Variants in NTN1 observed in about 807,000 individuals in gnomAD.
NTN1 encodes the protein netrin 1.
NTN1 carries 11 observed loss-of-function variants against 54.2 expected under a neutral mutation model. That is an observed-to-expected ratio of 0.20 (90% CI 0.13 to 0.34). The LOEUF (loss-of-function observed/expected upper bound fraction) is 0.34, where lower values mean the gene tolerates loss of function less well. Among genes scored for constraint, NTN1 ranks in the 10% least tolerant of loss-of-function variants. NTN1 has a pLI of 1.00. For missense variants in NTN1, 740 were observed against 893.1 expected (o/e 0.83, Z 2.18); for synonymous variants, 371 against 382.0 (o/e 0.97, Z 0.33).
At chr17:9,157,793 AC>A (rs1344769751) in intron 2 of NTN1, among the ~76,000 whole-genome samples, 2 of 152,074 alleles carry the variant, frequency 1.3e-5, no homozygotes, top group Non-Finnish European at 2.9e-5. Context: ...TGTCTCTGCC[AC>A]CCCCAACCCC....
intron 5 of NTN1, among the ~76,000 whole-genome samples, chr17:9,184,427 A>T (rs1248433748): frequency 1.3e-5 from 2 of 152,246 alleles, no homozygotes; most frequent in African/African-American, 4.8e-5. Flanking sequence ...TCAAAGGAAC[A>T]TCCTAAATTA....
chr17:9,232,356 C>CT (rs1905843177), intron 6 of NTN1, among the ~76,000 whole-genome samples: 1 of 152,222 alleles, frequency 6.6e-6, no homozygotes, highest in Non-Finnish European at 1.5e-5. Flanking sequence ...CTTCTCACTG[C>CT]TGAGCCTCAC....
chr17:9,220,779 C>A (rs1385705737), intron 5 of NTN1, among the ~76,000 whole-genome samples: 2 of 152,102 alleles, frequency 1.3e-5, no homozygotes, highest in Non-Finnish European at 2.9e-5. Flanking sequence ...CTGACACAGA[C>A]CCAGGGCGCG....
chr17:9,030,182 G>T (rs2091884615), intron 2 of NTN1, among the ~76,000 whole-genome samples: 1 of 152,064 alleles, frequency 6.6e-6, no homozygotes, highest in Non-Finnish European at 1.5e-5. Flanking sequence ...TTTTCTCCCA[G>T]AGCTTAAGTT....
chr17:9,186,757 G>A (rs976367359), intron 5 of NTN1, among the ~76,000 whole-genome samples: 3 of 152,180 alleles, frequency 2.0e-5, no homozygotes, highest in Non-Finnish European at 2.9e-5. Flanking sequence ...GTGGCCTCTC[G>A]GCACCTCCAC....
chr17:9,045,748 C>A (rs2091939629), intron 2 of NTN1, among the ~76,000 whole-genome samples: 2 of 152,068 alleles, frequency 1.3e-5, no homozygotes, highest in Admixed American at 1.3e-4. Context: ...CAGAGAAGAT[C>A]AACCCAAGCC....
chr17:9,231,370 C>T (rs541097862), intron 6 of NTN1, among the ~76,000 whole-genome samples: 42 of 152,344 alleles, frequency 2.8e-4, no homozygotes, highest in African/African-American at 9.9e-4. Flanking sequence ...ACCCCTGAGT[C>T]AGTTCATCCG....
Position 9,135,398 on chromosome 17 carries a change from C to T in NTN1, c.1019-27415C>T, listed in dbSNP as rs964884793. Among the ~76,000 whole-genome samples the T allele has an allele frequency of 4.6e-5, 7 of 152,328 alleles. No homozygotes were observed. The highest frequency in any genetic ancestry group is 3.9e-4 in the East Asian group (2 of 5,186). ...ACCACACTAACGTTGTTCTCATGCA[C>T]GGCTTCCTCTGGCCTCTGAGCCTTT... is the stretch of plus-strand genomic sequence containing the variant. On this transcript the variant is annotated intron_variant, in intron 2 of 6. Coordinates refer to ENST00000173229, the MANE Select transcript of NTN1 (RefSeq NM_004822.3). This position sits in a 1 kb window ranked among gnomAD's most constrained non-coding sequence, Gnocchi z 4.4.
intron 6 of NTN1, among the ~76,000 whole-genome samples, chr17:9,227,901 G>A (rs889259319): frequency 2.6e-5 from 4 of 151,008 alleles, no homozygotes; most frequent in East Asian, 1.9e-4. Flanking sequence ...ACCACTATAC[G>A]CATACCACTA....
intron 3 of NTN1, chr17:9,173,321 C>T (rs1016132599): frequency 3.3e-5 from 5 of 152,298 alleles, no homozygotes; most frequent in African/African-American, 9.6e-5. Flanking sequence ...GCTTGGACAC[C>T]TCTGTCCCTG....
chr17:9,175,117 T>C (rs2092396579), intron 3 of NTN1: 1 of 151,932 alleles, frequency 6.6e-6, no homozygotes, highest in East Asian at 1.9e-4. Context: ...TGTGCTTCAG[T>C]GGAAAGGGTG....
intron 2 of NTN1, among the ~76,000 whole-genome samples, chr17:9,129,549 C>T (rs2092257671): frequency 6.6e-6 from 1 of 152,168 alleles, no homozygotes; most frequent in Admixed American, 6.5e-5. Flanking sequence ...CAGGCTAAAG[C>T]TTCTGTGTAT....
the NTN1 span, among the ~76,000 whole-genome samples, chr17:9,003,528 T>G: frequency 5.4e-5 from 8 of 149,108 alleles, no homozygotes; most frequent in African/African-American, 1.9e-4. The surrounding 1 kb of genome is among the most constrained non-coding windows in gnomAD (Gnocchi z 7.4). Flanking sequence ...TGTAGCCCGC[T>G]GGCCCCGCGG....
chr17:9,226,386 G>A (rs1251268513), intron 6 of NTN1, among the ~76,000 whole-genome samples: 1 of 151,764 alleles, frequency 6.6e-6, no homozygotes, highest in African/African-American at 2.4e-5. Flanking sequence ...GCCCACAGCA[G>A]GCACCGTGTC....
chr17:9,006,488 G>T, the NTN1 span, among the ~76,000 whole-genome samples: 1 of 152,154 alleles, frequency 6.6e-6, no homozygotes. Flanking sequence ...TGTTGAAAAG[G>T]CTGGACTCCC....
rs113893303 is a variant in NTN1 at position 9,221,147 on chromosome 17, T to TCCC, written c.1412-15_1412-13dup. On this transcript the variant is annotated intron_variant, in intron 5 of 6. Coordinates refer to ENST00000173229, the MANE Select transcript of NTN1 (RefSeq NM_004822.3). The surrounding 1 kb of genome is among the most constrained non-coding windows in gnomAD (Gnocchi z 4.5). The stretch of plus-strand genomic sequence containing the variant: ...CAGCCTAATTAGTTTTTGTCTGTGC[T>TCCC]CCCCCCCCACCCCCCTGCAGACTGC... 2.4e-5 allele frequency: 31 copies of TCCC among 1,304,010 alleles called. No homozygotes were observed. Among genetic ancestry groups the TCCC allele is most frequent in the Middle Eastern group, 2.1e-4 (1 of 4,708 alleles). 80.8% of individuals were successfully genotyped at this position (1,304,010 alleles called of 1,614,324 possible). A position where few individuals can be genotyped will look rare whatever the true frequency, so the allele number is the denominator to read the frequency against.
At chr17:9,193,092 A>AG (rs1904510802) in intron 5 of NTN1, among the ~76,000 whole-genome samples, 1 of 138,648 alleles carries the variant, frequency 7.2e-6, no homozygotes, top group African/African-American at 2.7e-5. Flanking sequence ...AAAAAAAAAA[A>AG]AAAGAAAAAG....
At chr17:9,083,880 T>C (rs1050451438) in intron 2 of NTN1, among the ~76,000 whole-genome samples, 1 of 152,066 alleles carries the variant, frequency 6.6e-6, no homozygotes, top group Non-Finnish European at 1.5e-5. Flanking sequence ...TTCGCTTCCT[T>C]GGGGAGAGAC....
intron 3 of NTN1, among the ~76,000 whole-genome samples, chr17:9,163,945 TC>T (rs1295114339): frequency 3.3e-5 from 5 of 152,122 alleles, no homozygotes; most frequent in Admixed American, 2.6e-4. Context: ...ATGGGTGGGG[TC>T]CTGACCTGGA....
Sources: gnomAD v4.1 joint callset for allele counts (sites outside exome capture counted in the v4.1 genomes callset) on GRCh38, gnomAD v4.1.1 for gene constraint, Gnocchi (gnomAD v3.1) non-coding constraint, MANE v1.5 for transcripts, NCBI Gene and HGNC (gene_info 2026-07-23, HGNC 2026-07-21) for gene names.